Variants in FREM2 observed in about 807,000 individuals in gnomAD.
FREM2 encodes the protein FRAS1 related extracellular matrix 2.
A neutral mutation model predicts 219.9 loss-of-function variants in FREM2; 119 were observed. The observed-to-expected ratio is 0.54, with a 90% CI of 0.47 to 0.63. The LOEUF (loss-of-function observed/expected upper bound fraction) is 0.63, where lower values mean the gene tolerates loss of function less well. Ranked by LOEUF, FREM2 falls within the 30% of genes least tolerant of loss-of-function variation. The pLI is 0.00. For synonymous variants in FREM2, 1,562 were observed against 1,522.8 expected, an observed-to-expected ratio of 1.03 and a Z score of -0.60; for missense variants, 4,030 against 3,993.6, an observed-to-expected ratio of 1.01 and a Z score of -0.25.
Position 38,692,612 on chromosome 13 carries a change from GAGA to G in FREM2, c.5173+98_5173+100del, listed in dbSNP as rs953267589. 1.2e-5 allele frequency: 17 copies of G among 1,425,044 alleles called. No homozygotes were observed. The African/African-American group carries it at 2.2e-4, about 19-fold the overall frequency. 88.3% of individuals were successfully genotyped at this position (1,425,044 alleles called of 1,614,324 possible). On this transcript the variant is annotated intron_variant, in intron 1 of 23. Coordinates refer to ENST00000280481, the MANE Select transcript of FREM2 (RefSeq NM_207361.6). ...AACAGAGCATTAAATTAGAGTCCAA[GAGA>G]AGGAAAGGAAACAAAGGGGATGGGG...
At chr13:38,704,195 C>T (rs1035851604) in intron 2 of FREM2, among the ~76,000 whole-genome samples, 2 of 152,096 alleles carry the variant, frequency 1.3e-5, no homozygotes, top group African/African-American at 4.8e-5. Flanking sequence ...ATTTCTTTAT[C>T]GAATTACTCA....
intron 2 of FREM2, among the ~76,000 whole-genome samples, 153 bp downstream of exon 2, chr13:38,697,940 A>T (rs559057462): frequency 6.6e-6 from 1 of 152,332 alleles, no homozygotes; most frequent in African/African-American, 2.4e-5. Context: ...TTACAATCTC[A>T]CTATGACACA....
At chr13:38,859,919 G>C (rs1332687557) in intron 14 of FREM2, among the ~76,000 whole-genome samples, 1 of 151,638 alleles carries the variant, frequency 6.6e-6, no homozygotes, top group Non-Finnish European at 1.5e-5. Context: ...TGCACAGGTA[G>C]AAGTGATTAG....
At chr13:38,738,929 T>C (rs1251838780) in intron 2 of FREM2, among the ~76,000 whole-genome samples, 1 of 152,232 alleles carries the variant, frequency 6.6e-6, no homozygotes, top group Non-Finnish European at 1.5e-5. Context: ...ACTTTGATTC[T>C]AGAAATACTA....
At chr13:38,763,733 C>T (rs1031622139) in intron 2 of FREM2, among the ~76,000 whole-genome samples, 1 of 152,078 alleles carries the variant, frequency 6.6e-6, no homozygotes, top group Non-Finnish European at 1.5e-5. Context: ...ACCTTATCTT[C>T]AGAGTGGAAT....
At chr13:38,862,861 T>C (rs777888135) in intron 15 of FREM2, among the ~76,000 whole-genome samples, 2 of 152,196 alleles carry the variant, frequency 1.3e-5, no homozygotes, top group Non-Finnish European at 2.9e-5. Flanking sequence ...CCATTGCCCA[T>C]GATAAAGTTT....
chr13:38,831,602 T>C (rs1489705545), intron 6 of FREM2, among the ~76,000 whole-genome samples: 1 of 124,122 alleles, frequency 8.1e-6, no homozygotes, highest in Non-Finnish European at 1.6e-5. Context: ...TTTATATACA[T>C]TTTAACTTCA....
intron 2 of FREM2, among the ~76,000 whole-genome samples, chr13:38,726,454 C>G (rs1871528287): frequency 6.6e-6 from 1 of 152,096 alleles, no homozygotes. Context: ...CCCCTTGAGT[C>G]AGCAAGGCTG....
At chr13:38,775,456 A>C (rs996747586) in intron 4 of FREM2, among the ~76,000 whole-genome samples, 35 of 152,226 alleles carry the variant, frequency 2.3e-4, no homozygotes, top group African/African-American at 8.2e-4. Flanking sequence ...AAAAAATTTC[A>C]AACACTTGCT....
At chr13:38,786,187 AACTAATCTTCCCCC>A (rs1357069535) in intron 6 of FREM2, among the ~76,000 whole-genome samples, 1 of 152,080 alleles carries the variant, frequency 6.6e-6, no homozygotes, top group East Asian at 1.9e-4. Flanking sequence ...TGTGTCCTTT[AACTAATCTTCCCCC>A]ATATCCCCCA....
At chr13:38,848,317 T>G in intron 7 of FREM2, 144 bp from the exon 8 acceptor site, 1 of 690,904 alleles carries the variant, frequency 1.4e-6, no homozygotes, top group Non-Finnish European at 2.5e-6. Flanking sequence ...TCTTTTGCCT[T>G]TTATTAAATG....
At position 38,813,464 on chromosome 13, in the gene FREM2, TTCTCTC is replaced by T. The variant is rs1170570605; in HGVS notation, c.6019+28705_6019+28710del. The stretch of plus-strand genomic sequence containing the variant: ...GCAGCTTTATTATATGTTATTTGTT[TTCTCTC>T]TCTCTCTCTCTCTCTCTCTCTCTCT... On this transcript the variant is annotated intron_variant, in intron 6 of 23. Coordinates refer to ENST00000280481, the MANE Select transcript of FREM2 (RefSeq NM_207361.6). Among the ~76,000 whole-genome samples the T allele has an allele frequency of 2.6e-4, 16 of 60,452 alleles. 1 individual carries two copies. The highest frequency in any genetic ancestry group is 1.6e-3 in the East Asian group (3 of 1,872). 39.7% of individuals were successfully genotyped at this position (60,452 alleles called of 152,430 possible).
chr13:38,692,986 AT>A lies in FREM2; in HGVS notation c.5173+473del, dbSNP rs747955041. Among the ~76,000 whole-genome samples the A allele has an allele frequency of 1.2e-3, 181 of 152,340 alleles. 1 individual carries two copies. Among genetic ancestry groups the A allele is most frequent in the Non-Finnish European group, 2.1e-3 (140 of 68,036 alleles). The stretch of plus-strand genomic sequence containing the variant: ...TTCAAACTTAGGTTACTTTGAATAA[AT>A]TTTAAGAGCATTGCTCTGACACGGT... On this transcript the variant is annotated intron_variant, in intron 1 of 23. Transcript: ENST00000280481.
At chr13:38,749,291 A>G (rs1377855700) in intron 2 of FREM2, among the ~76,000 whole-genome samples, 1 of 152,200 alleles carries the variant, frequency 6.6e-6, no homozygotes, top group Non-Finnish European at 1.5e-5. Context: ...TACTGGCTCA[A>G]CTACTTTCTG....
chr13:38,796,912 G>A (rs1325120583), intron 6 of FREM2, among the ~76,000 whole-genome samples: 1 of 151,680 alleles, frequency 6.6e-6, no homozygotes, highest in African/African-American at 2.4e-5. Flanking sequence ...GCAGAGTTTT[G>A]CTATGTTTCA....
chr13:38,725,609 T>C (rs2138113543), intron 2 of FREM2, among the ~76,000 whole-genome samples: 2 of 152,268 alleles, frequency 1.3e-5, no homozygotes, highest in South Asian at 4.1e-4. Context: ...AAAAACCCAG[T>C]GCAGCTGAAG....
rs376578444 is a variant in FREM2 at position 38,688,007 on chromosome 13, G to C, written c.663G>C (p.Leu221=). The C allele has an allele frequency of 1.1e-5, 17 of 1,612,040 alleles. No individual in the cohort carries two copies. Among genetic ancestry groups the C allele is most frequent in the Non-Finnish European group, 1.4e-5 (16 of 1,178,748 alleles). Residue 221 remains leucine, a synonymous_variant, in exon 1 of 24, where the codon CTG becomes CTC. Transcript: ENST00000280481. Reference sequence around the variant, plus strand: ...CAGAGGAGTGCCGCGTGGGCATCCTGTCCGGCTTGGGCGCGCTGCCTCGCT... The same window carrying C: ...CAGAGGAGTGCCGCGTGGGCATCCTCTCCGGCTTGGGCGCGCTGCCTCGCT... ...PETEECRVGI[L]SGLGALPRYG...
chr13:38,803,432 C>T (rs919321769), intron 6 of FREM2, among the ~76,000 whole-genome samples: 2 of 152,076 alleles, frequency 1.3e-5, no homozygotes, highest in African/African-American at 4.8e-5. Context: ...AATTTTTGTA[C>T]TGCAGCATGT....
chr13:38,813,419 A>G (rs1314261294), intron 6 of FREM2, among the ~76,000 whole-genome samples: 1 of 142,802 alleles, frequency 7.0e-6, no homozygotes, highest in African/African-American at 2.6e-5. Context: ...TCCACTGTAA[A>G]GTCTGCTGCC....
Sources: allele counts gnomAD v4.1 joint callset (sites outside exome capture counted in the v4.1 genomes callset), GRCh38; gene constraint gnomAD v4.1.1; transcripts MANE v1.5; gene names NCBI Gene and HGNC (gene_info 2026-07-23, HGNC 2026-07-21).